COG4: variants seen among roughly 807,000 people sequenced by gnomAD.
The protein encoded by COG4 is component of oligomeric golgi complex 4, also known as conserved oligomeric Golgi complex subunit 4.
A neutral mutation model predicts 95.1 loss-of-function variants in COG4; 65 were observed. That is an observed-to-expected ratio of 0.68 (90% CI 0.56 to 0.84). The LOEUF is 0.84. COG4 is among the 40% of genes least tolerant of loss of function. The pLI is 0.00. For synonymous variants in COG4, 421 were observed against 374.8 expected, an observed-to-expected ratio of 1.12 and a Z score of -1.42; for missense variants, 1,045 against 989.1, an observed-to-expected ratio of 1.06 and a Z score of -0.76.
At chr16:70,483,812 A>G in intron 14 of COG4, 41 bp downstream of exon 14, 1 of 1,436,354 alleles carries the variant, frequency 7.0e-7, no homozygotes. Flanking sequence ...AGAGCAACAC[A>G]CAGGCACAGG....
intron 16 of COG4, 54 bp downstream of exon 16, chr16:70,482,038 G>A (rs2049008486): frequency 1.3e-6 from 2 of 1,485,920 alleles, no homozygotes; most frequent in Admixed American, 1.7e-5. Context: ...GCAGGCTGCT[G>A]GTTTGGGCTG....
rs2049624912 is a variant in COG4 at position 70,508,435 on chromosome 16, T to G, written c.1032A>C (p.Arg344Ser). Residue 344 changes from arginine (R) to serine (S), a missense_variant, in exon 8 of 19, where the codon AGA becomes AGC. Arg to Ser is a moderately radical substitution (Grantham distance 110, BLOSUM62 -1). Coordinates refer to ENST00000323786, the MANE Select transcript of COG4 (RefSeq NM_015386.3). The part of the protein sequence containing the change: ...QFRHVQNNLM[R>S]NSTTEKIEPR... ...GTTCGATTTTTTCTGTTGTAGAATT[T>G]CTCATCAGGTTGTTCTGAACATGCC... is the stretch of plus-strand genomic sequence containing the variant. 1.2e-6 allele frequency: 2 copies of G among 1,614,056 alleles called. No individual in the cohort carries two copies. Among genetic ancestry groups the G allele is most frequent in the Non-Finnish European group, 1.7e-6 (2 of 1,180,032 alleles).
At chr16:70,482,019 T>A in intron 16 of COG4, 73 bp downstream of exon 16, 1 of 1,392,688 alleles carries the variant, frequency 7.2e-7, no homozygotes, top group Admixed American at 1.7e-5. Context: ...AGGAATGTGA[T>A]GAGACCCTGC....
At chr16:70,513,715 G>A (rs183370538) in intron 4 of COG4, among the ~76,000 whole-genome samples, 1 of 152,248 alleles carries the variant, frequency 6.6e-6, no homozygotes, top group East Asian at 1.9e-4. Flanking sequence ...ACACTACTTA[G>A]AACAGCAAGC....
At chr16:70,486,854 G>A (rs1254123841) in intron 13 of COG4, among the ~76,000 whole-genome samples, 1 of 152,130 alleles carries the variant, frequency 6.6e-6, no homozygotes, top group African/African-American at 2.4e-5. Flanking sequence ...AAATTAGCTA[G>A]GTGTGGTGGC....
chr16:70,483,845 G>A lies in COG4; in HGVS notation c.1827+8C>T, dbSNP rs1366101487. On this transcript the variant is annotated splice_region_variant and intron_variant, in intron 14 of 18. Coordinates refer to ENST00000323786, the MANE Select transcript of COG4 (RefSeq NM_015386.3). ...AGGATTCAGTCAGCAGTTGAACCTG[G>A]GGCTTACCTGCAAGAGGTCTCGGAA... The A allele has an allele frequency of 2.5e-6, 4 of 1,598,040 alleles. No individual in the cohort carries two copies. Among genetic ancestry groups the A allele is most frequent in the South Asian group, 1.1e-5 (1 of 90,754 alleles).
intron 7 of COG4, chr16:70,508,882 T>A: frequency 1.9e-6 from 1 of 535,622 alleles, no homozygotes; most frequent in Non-Finnish European, 3.5e-6. Context: ...TTGGAGACAA[T>A]TACTTGGACA....
chr16:70,515,758 C>T (rs552677552), intron 3 of COG4: 1 of 286,612 alleles, frequency 3.5e-6, no homozygotes, highest in South Asian at 3.2e-5. Flanking sequence ...AGAGAAGACA[C>T]CCTTGTCTTG....
intron 13 of COG4, among the ~76,000 whole-genome samples, chr16:70,490,037 C>G (rs1210808936): frequency 6.6e-6 from 1 of 152,022 alleles, no homozygotes; most frequent in African/African-American, 2.4e-5. Context: ...AGGCTGGTCT[C>G]GAACTCCTGA....
At chr16:70,487,064 G>A (rs1186030244) in intron 13 of COG4, among the ~76,000 whole-genome samples, 4 of 151,966 alleles carry the variant, frequency 2.6e-5, no homozygotes, top group Admixed American at 1.3e-4. Flanking sequence ...GCTGAGGTGG[G>A]CGGATCGCCT....
rs2049443837 is a variant in COG4 at position 70,501,242 on chromosome 16, T to C, written c.1062-151A>G. 6.7e-6 allele frequency: 5 copies of C among 750,170 alleles called. No homozygotes were observed. The African/African-American group carries it at 7.0e-5, about 10-fold the overall frequency. 46.5% of individuals were successfully genotyped at this position (750,170 alleles called of 1,614,324 possible). A position where few individuals can be genotyped will look rare whatever the true frequency, so the allele number is the denominator to read the frequency against. Reference sequence around the variant, plus strand: ...GCCCTCCTAGCTCTGCTGGCCCAATTAGAATCAGAGATAGCTGTCAATCAC... The same window carrying C: ...GCCCTCCTAGCTCTGCTGGCCCAATCAGAATCAGAGATAGCTGTCAATCAC... On this transcript the variant is annotated intron_variant, in intron 8 of 18. Coordinates refer to ENST00000323786, the MANE Select transcript of COG4 (RefSeq NM_015386.3).
At chr16:70,512,093 C>A (rs1289290247) in intron 5 of COG4, 146 bp downstream of exon 5, 1 of 782,734 alleles carries the variant, frequency 1.3e-6, no homozygotes, top group Non-Finnish European at 2.2e-6. Flanking sequence ...CACATGCATC[C>A]AGTCCTGCAT....
intron 8 of COG4, 67 bp from the exon 9 acceptor site, chr16:70,501,158 A>G (rs957678710): frequency 5.1e-6 from 8 of 1,575,434 alleles, no homozygotes; most frequent in Non-Finnish European, 6.9e-6. Context: ...GCTACAGGGC[A>G]AAGAGAGTCC....
chr16:70,481,916 C>T, intron 16 of COG4, 51 bp from the exon 17 acceptor site: 1 of 1,520,990 alleles, frequency 6.6e-7, no homozygotes, highest in Non-Finnish European at 9.1e-7. Flanking sequence ...TCCTCTGCCT[C>T]TATGCTGGAG....
Position 70,523,205 on chromosome 16 carries a change from GA to G in COG4, c.171+167del, listed in dbSNP as rs926169680. ...ACAAGCTCGGCGCGTCCGACAGCGT[GA>G]AAAGAGTTGACAGGACTACTCATAT... On this transcript the variant is annotated intron_variant, in intron 1 of 18. Coordinates refer to ENST00000323786, the MANE Select transcript of COG4 (RefSeq NM_015386.3). 6.6e-6 allele frequency: 5 copies of G among 752,844 alleles called. No homozygotes were observed. In the African/African-American group the frequency reaches 7.1e-5, roughly 11 times the overall value. 46.6% of individuals were successfully genotyped at this position (752,844 alleles called of 1,614,324 possible). A position where few individuals can be genotyped will look rare whatever the true frequency, so the allele number is the denominator to read the frequency against.
At chr16:70,497,195 G>T in intron 11 of COG4, 26 bp downstream of exon 11, 1 of 1,611,432 alleles carries the variant, frequency 6.2e-7, no homozygotes. Context: ...TTTCTGCCTA[G>T]AAAGGAGAAA....
intron 15 of COG4, 78 bp downstream of exon 15, chr16:70,482,651 A>G (rs2049021749): frequency 1.7e-6 from 2 of 1,175,670 alleles, no homozygotes; most frequent in Non-Finnish European, 2.5e-6. Context: ...TAGTCTGTTC[A>G]GATGGCTCTG....
intron 13 of COG4, among the ~76,000 whole-genome samples, chr16:70,488,130 T>G (rs1357666050): frequency 6.6e-6 from 1 of 151,414 alleles, no homozygotes; most frequent in Non-Finnish European, 1.5e-5. Context: ...TGGCTATTAT[T>G]TTTACCTTTT....
At chr16:70,502,601 T>TTAA (rs550327187) in intron 8 of COG4, among the ~76,000 whole-genome samples, 3 of 140,826 alleles carry the variant, frequency 2.1e-5, no homozygotes, top group African/African-American at 7.8e-5. Context: ...AACTCCGTCT[T>TTAA]AAAAAAAAAA....
Sources: allele counts gnomAD v4.1 joint callset (sites outside exome capture counted in the v4.1 genomes callset), GRCh38; gene constraint gnomAD v4.1.1; transcripts MANE v1.5; gene names NCBI Gene and HGNC (gene_info 2026-07-23, HGNC 2026-07-21).